Variants in UNC5D observed in about 807,000 individuals in gnomAD.
UNC5D encodes the protein unc-5 netrin receptor D.
UNC5D carries 39 observed loss-of-function variants against 105.4 expected under a neutral mutation model. That is an observed-to-expected ratio of 0.37 (90% CI 0.29 to 0.48). The LOEUF is 0.48. Among genes scored for constraint, UNC5D ranks in the 20% least tolerant of loss-of-function variants. UNC5D has a pLI of 0.98. For missense variants in UNC5D, 991 were observed against 1,202.4 expected (o/e 0.82, Z 2.60); for synonymous variants, 452 against 450.4 (o/e 1.00, Z -0.04).
chr8:35,636,359 C>T (rs1170225431), intron 4 of UNC5D, among the ~76,000 whole-genome samples: 2 of 152,130 alleles, frequency 1.3e-5, no homozygotes, highest in Non-Finnish European at 2.9e-5. Flanking sequence ...TCAACCTCAG[C>T]ATTTCAGGCC....
At chr8:35,777,125 G>C (rs889777259) in intron 16 of UNC5D, among the ~76,000 whole-genome samples, 1 of 152,190 alleles carries the variant, frequency 6.6e-6, no homozygotes, top group Non-Finnish European at 1.5e-5. Context: ...ATGGTGGCAG[G>C]CACCTGTAAT....
chr8:35,680,364 T>G (rs1016904844), intron 4 of UNC5D, among the ~76,000 whole-genome samples: 2 of 152,212 alleles, frequency 1.3e-5, no homozygotes, highest in African/African-American at 4.8e-5. Flanking sequence ...TTAGACTTTA[T>G]TCTTAGTGCT....
intron 1 of UNC5D, among the ~76,000 whole-genome samples, chr8:35,237,561 A>C (rs1243582812): frequency 6.6e-6 from 1 of 152,152 alleles, no homozygotes; most frequent in African/African-American, 2.4e-5. Flanking sequence ...ACATGCCAGC[A>C]GCCTCTTGGA....
intron 10 of UNC5D, 120 bp downstream of exon 10, chr8:35,726,649 C>T (rs926048928): frequency 6.9e-7 from 1 of 1,456,022 alleles, no homozygotes; most frequent in Admixed American, 2.0e-5. Flanking sequence ...CCTGCAAACA[C>T]TGCGGCTCCA....
intron 1 of UNC5D, among the ~76,000 whole-genome samples, chr8:35,320,140 A>G (rs1036241944): frequency 1.3e-5 from 2 of 152,132 alleles, no homozygotes; most frequent in Admixed American, 6.6e-5. Flanking sequence ...TTAGGGAGAC[A>G]TAAGACATCA....
intron 1 of UNC5D, among the ~76,000 whole-genome samples, chr8:35,378,501 T>G (rs1479675165): frequency 2.0e-5 from 3 of 152,180 alleles, no homozygotes; most frequent in East Asian, 3.9e-4. Flanking sequence ...CCCCTTCAGT[T>G]TGCCCCATAT....
chr8:35,615,986 A>G (rs1441684907), intron 4 of UNC5D, among the ~76,000 whole-genome samples: 2 of 152,214 alleles, frequency 1.3e-5, no homozygotes, highest in Non-Finnish European at 2.9e-5. Flanking sequence ...AAATATACCA[A>G]TATCCCTAAT....
At chr8:35,547,351 T>G (rs1586102141) in intron 1 of UNC5D, among the ~76,000 whole-genome samples, 1 of 147,460 alleles carries the variant, frequency 6.8e-6, no homozygotes, top group Non-Finnish European at 1.5e-5. Context: ...GAGGCTGGAG[T>G]GCAGTAGCAT....
At chr8:35,785,508 T>C (rs531326374) in intron 16 of UNC5D, among the ~76,000 whole-genome samples, 160 of 152,058 alleles carry the variant, frequency 1.1e-3, no homozygotes, top group Admixed American at 2.7e-3. Context: ...TACAGGCACA[T>C]GCCACCATGC....
intron 3 of UNC5D, among the ~76,000 whole-genome samples, chr8:35,588,462 ACT>A (rs1397682681): frequency 6.6e-6 from 1 of 151,982 alleles, no homozygotes; most frequent in African/African-American, 2.4e-5. Context: ...TTTAGATATT[ACT>A]CTCTGAGAAA....
At chr8:35,551,090 G>A (rs1165250602) in intron 2 of UNC5D, among the ~76,000 whole-genome samples, 3 of 152,126 alleles carry the variant, frequency 2.0e-5, no homozygotes, top group East Asian at 3.9e-4. Context: ...TGATGTACGG[G>A]TATGCAGTGG....
At chr8:35,266,707 AG>A (rs1251560745) in intron 1 of UNC5D, among the ~76,000 whole-genome samples, 1 of 152,208 alleles carries the variant, frequency 6.6e-6, no homozygotes, top group Non-Finnish European at 1.5e-5. Context: ...AATGCCTGGA[AG>A]TGACCAGAAT....
At chr8:35,684,846 T>C in intron 6 of UNC5D, 97 bp downstream of exon 6, 3 of 1,410,934 alleles carry the variant, frequency 2.1e-6, no homozygotes, top group Non-Finnish European at 2.8e-6. Flanking sequence ...AAAGTTACCC[T>C]CTCCCAAGTT....
intron 1 of UNC5D, among the ~76,000 whole-genome samples, chr8:35,408,778 A>G (rs1382038438): frequency 1.3e-5 from 2 of 151,928 alleles, no homozygotes; most frequent in African/African-American, 4.8e-5. Context: ...AAAAAAAACT[A>G]CTACCAATCA....
At chr8:35,726,674 T>C in intron 10 of UNC5D, 145 bp downstream of exon 10, 11 of 1,268,906 alleles carry the variant, frequency 8.7e-6, no homozygotes, top group Non-Finnish European at 1.2e-5. Flanking sequence ...TCCACTTGAT[T>C]TACACAGCAA....
At chr8:35,281,799 G>A (rs1185190958) in intron 1 of UNC5D, among the ~76,000 whole-genome samples, 1 of 152,180 alleles carries the variant, frequency 6.6e-6, no homozygotes, top group Admixed American at 6.5e-5. Flanking sequence ...ATACTTCTAA[G>A]CAGATATTCT....
chr8:35,625,546 CT>C (rs1227710789), intron 4 of UNC5D, among the ~76,000 whole-genome samples: 1 of 152,136 alleles, frequency 6.6e-6, no homozygotes, highest in Non-Finnish European at 1.5e-5. Flanking sequence ...TGTACACATA[CT>C]GTAAAATGTA....
chr8:35,772,801 CTTT>C (rs5890830), intron 15 of UNC5D, among the ~76,000 whole-genome samples: 11 of 145,130 alleles, frequency 7.6e-5, no homozygotes, highest in Admixed American at 1.4e-4. Context: ...GCTCAGAGTC[CTTT>C]TTTTTTTTTT....
At chr8:35,728,095 A>AAAAAATAT (rs34672872) in intron 10 of UNC5D, among the ~76,000 whole-genome samples, 45 of 110,346 alleles carry the variant, frequency 4.1e-4, no homozygotes, top group African/African-American at 1.5e-3. Context: ...AAAAAAAAAA[A>AAAAAATAT]ATATATATAT....
Sources: allele counts gnomAD v4.1 joint callset (sites outside exome capture counted in the v4.1 genomes callset), GRCh38; gene constraint gnomAD v4.1.1; transcripts MANE v1.5; gene names NCBI Gene and HGNC (gene_info 2026-07-23, HGNC 2026-07-21).